EXOC4: variants seen among roughly 807,000 people sequenced by gnomAD.
The protein encoded by EXOC4 is exocyst complex component 4.
A neutral mutation model predicts 107.2 loss-of-function variants in EXOC4; 71 were observed. That is an observed-to-expected ratio of 0.66 (90% CI 0.55 to 0.81). The LOEUF is 0.81. Ranked by LOEUF, EXOC4 falls within the 30% of genes least tolerant of loss-of-function variation. The pLI, the probability that EXOC4 is intolerant of heterozygous loss-of-function variation, is 0.00. For missense variants in EXOC4, 1,108 were observed against 1,189.6 expected, an observed-to-expected ratio of 0.93 and a Z score of 1.01; for synonymous variants, 456 against 441.2, an observed-to-expected ratio of 1.03 and a Z score of -0.42.
intron 10 of EXOC4, among the ~76,000 whole-genome samples, chr7:133,657,101 C>T (rs965661395): frequency 6.6e-6 from 1 of 151,994 alleles, no homozygotes; most frequent in Non-Finnish European, 1.5e-5. Flanking sequence ...CTAAGAAAAA[C>T]AAGTTTTGCT....
chr7:133,492,303 A>T (rs957825826), intron 9 of EXOC4, among the ~76,000 whole-genome samples: 15 of 152,188 alleles, frequency 9.9e-5, no homozygotes, highest in African/African-American at 3.6e-4. Flanking sequence ...TGTTTCAGCA[A>T]GAAGAGATGT....
At chr7:133,743,008 G>T (rs973587946) in intron 10 of EXOC4, among the ~76,000 whole-genome samples, 3 of 152,046 alleles carry the variant, frequency 2.0e-5, no homozygotes, top group African/African-American at 7.2e-5. Context: ...TGGTTCTTAA[G>T]AGGCTCTTAA....
chr7:133,713,733 A>G (rs1794943182), intron 10 of EXOC4, among the ~76,000 whole-genome samples: 1 of 151,974 alleles, frequency 6.6e-6, no homozygotes, highest in Admixed American at 6.5e-5. Flanking sequence ...ATGGTTTTAT[A>G]AGGGGCTCTT....
chr7:133,959,635 C>G (rs1193780236), intron 14 of EXOC4, among the ~76,000 whole-genome samples: 3 of 151,832 alleles, frequency 2.0e-5, no homozygotes, highest in African/African-American at 7.3e-5. Flanking sequence ...AGACCTACAT[C>G]CTCACCAAGG....
At position 133,846,017 on chromosome 7, in the gene EXOC4, G is replaced by A. The variant is rs183613891; in HGVS notation, c.1734+28473G>A. On this transcript the variant is annotated intron_variant, in intron 11 of 17. Coordinates refer to ENST00000253861, the MANE Select transcript of EXOC4 (RefSeq NM_021807.4). The stretch of plus-strand genomic sequence containing the variant: ...TAATAACTGCCTTTTAATCCTCACA[G>A]TCCCCCACACACACACACGAGAACT... Among the ~76,000 whole-genome samples the A allele has an allele frequency of 2.4e-3, 366 of 151,832 alleles. 5 individuals carry two copies. Among genetic ancestry groups the A allele is most frequent in the African/African-American group, 8.3e-3 (342 of 41,394 alleles).
chr7:133,505,285 G>A (rs1799646878), intron 9 of EXOC4, among the ~76,000 whole-genome samples: 1 of 152,042 alleles, frequency 6.6e-6, no homozygotes, highest in Non-Finnish European at 1.5e-5. Context: ...ACCACAGTCC[G>A]ATTTTGGCTT....
chr7:133,525,368 T>C (rs761011875), intron 9 of EXOC4, among the ~76,000 whole-genome samples: 18 of 152,182 alleles, frequency 1.2e-4, no homozygotes, highest in Non-Finnish European at 2.2e-4. Context: ...CAAGTGAGAA[T>C]AATAAGCTAG....
At chr7:133,914,654 AAT>A (rs1799766462) in intron 12 of EXOC4, among the ~76,000 whole-genome samples, 1 of 152,194 alleles carries the variant, frequency 6.6e-6, no homozygotes, top group African/African-American at 2.4e-5. Context: ...AGGAAAAAAA[AAT>A]TACAAACCTA....
chr7:133,848,203 A>C (rs531576559), intron 11 of EXOC4, among the ~76,000 whole-genome samples: 16 of 152,154 alleles, frequency 1.1e-4, no homozygotes, highest in Non-Finnish European at 2.1e-4. Context: ...TCACCTAGCA[A>C]AGGGAACAAA....
At chr7:133,792,601 T>C (rs1796728617) in intron 10 of EXOC4, among the ~76,000 whole-genome samples, 1 of 144,906 alleles carries the variant, frequency 6.9e-6, no homozygotes, top group African/African-American at 2.5e-5. Context: ...ACATTGTCCG[T>C]AGAAGGTGAC....
chr7:133,535,048 A>G (rs1234735348), intron 9 of EXOC4, among the ~76,000 whole-genome samples: 2 of 152,170 alleles, frequency 1.3e-5, no homozygotes, highest in Non-Finnish European at 2.9e-5. Context: ...ATTTGTGCTC[A>G]CAATATCTGT....
At chr7:133,888,107 G>T (rs1309503498) in intron 11 of EXOC4, among the ~76,000 whole-genome samples, 8 of 152,138 alleles carry the variant, frequency 5.3e-5, no homozygotes, top group African/African-American at 1.9e-4. Context: ...TGGGAAAAAT[G>T]AGGGGAAGGG....
At chr7:133,692,917 T>C (rs908239350) in intron 10 of EXOC4, among the ~76,000 whole-genome samples, 4 of 152,202 alleles carry the variant, frequency 2.6e-5, no homozygotes, top group African/African-American at 9.7e-5. Context: ...TTTTATTCCA[T>C]TTGTACCTTG....
intron 9 of EXOC4, among the ~76,000 whole-genome samples, chr7:133,568,220 T>C (rs938693723): frequency 6.6e-6 from 1 of 152,122 alleles, no homozygotes; most frequent in Non-Finnish European, 1.5e-5. Flanking sequence ...TGCCTCTTCT[T>C]TCCCCCTTAC....
At chr7:134,082,545 A>G in the EXOC4 span, among the ~76,000 whole-genome samples, 309 of 152,252 alleles carry the variant, frequency 2.0e-3, 2 homozygotes, top group African/African-American at 7.1e-3. Context: ...GGTTCAAGCA[A>G]TTCTCCTGCC....
chr7:133,326,156 A>T (rs889049166), intron 5 of EXOC4, among the ~76,000 whole-genome samples: 10 of 152,318 alleles, frequency 6.6e-5, no homozygotes, highest in African/African-American at 2.2e-4. Flanking sequence ...AATGGGTTCG[A>T]ACTTCCTCCT....
intron 9 of EXOC4, among the ~76,000 whole-genome samples, chr7:133,500,759 C>T (rs1275901435): frequency 2.0e-5 from 3 of 152,164 alleles, no homozygotes; most frequent in Admixed American, 1.3e-4. Context: ...TGTGTGTCAG[C>T]ACTTGGTATT....
At chr7:133,978,442 G>C (rs1474396039) in intron 14 of EXOC4, among the ~76,000 whole-genome samples, 1 of 152,206 alleles carries the variant, frequency 6.6e-6, no homozygotes, top group Non-Finnish European at 1.5e-5. Flanking sequence ...TCCTGGTCCA[G>C]TCTTCTCTGA....
chr7:133,579,338 C>T (rs1409784704), intron 9 of EXOC4, among the ~76,000 whole-genome samples: 1 of 152,082 alleles, frequency 6.6e-6, no homozygotes. Context: ...TTCATCATTT[C>T]TTTTGATAAG....
Sources: gnomAD v4.1 joint callset for allele counts (sites outside exome capture counted in the v4.1 genomes callset) on GRCh38, gnomAD v4.1.1 for gene constraint, MANE v1.5 for transcripts, NCBI Gene and HGNC (gene_info 2026-07-23, HGNC 2026-07-21) for gene names.